The following SELENOF variants were observed in gnomAD, a reference collection of about 807,000 sequenced individuals.
The protein encoded by SELENOF is selenoprotein F.
In SELENOF, 16 loss-of-function variants were observed where a neutral mutation model predicts 20.5. The ratio of observed to expected loss-of-function variants is 0.78; its 90% CI spans 0.53 to 1.19. The LOEUF (loss-of-function observed/expected upper bound fraction) is 1.19. Ranked by LOEUF, SELENOF falls within the 50% of genes most tolerant of loss-of-function variation. SELENOF has a pLI of 0.00. For synonymous variants in SELENOF, 78 were observed against 74.5 expected (o/e 1.05, Z -0.24); for missense variants, 215 against 194.2 (o/e 1.11, Z -0.64).
Position 86,904,159 on chromosome 1 carries a change from G to T in SELENOF, c.85-711C>A, listed in dbSNP as rs560993851. Among the ~76,000 whole-genome samples, 17 of 152,108 alleles carry T rather than the reference G, an allele frequency of 1.1e-4. No individual in the cohort carries two copies. The South Asian group carries it at 3.5e-3, about 32-fold the overall frequency. On this transcript the variant is annotated intron_variant, in intron 1 of 4. Transcript: ENST00000331835. ...GTCTATGGAGTAAGATTAGCTGTAG[G>T]GTTTATCTACAGTCACATCCAGCAG... is the stretch of plus-strand genomic sequence containing the variant.
intron 2 of SELENOF, among the ~76,000 whole-genome samples, chr1:86,888,506 C>A (rs1282139419): frequency 1.3e-5 from 2 of 152,090 alleles, no homozygotes; most frequent in Non-Finnish European, 2.9e-5. Context: ...AACTCCTGGA[C>A]AAAGTGATCT....
intron 3 of SELENOF, among the ~76,000 whole-genome samples, chr1:86,877,406 G>C (rs1378661631): frequency 6.6e-6 from 1 of 152,168 alleles, no homozygotes; most frequent in Non-Finnish European, 1.5e-5. Context: ...TAGTTGGCAT[G>C]AGCAGCAGGT....
At chr1:86,897,556 C>T (rs75875632) in intron 2 of SELENOF, among the ~76,000 whole-genome samples, 1 of 152,002 alleles carries the variant, frequency 6.6e-6, no homozygotes, top group Non-Finnish European at 1.5e-5. Context: ...TATAAAATAT[C>T]TAGGGGACTG....
chr1:86,868,956 T>A (rs1243326470), intron 3 of SELENOF, among the ~76,000 whole-genome samples: 1 of 152,192 alleles, frequency 6.6e-6, no homozygotes, highest in Non-Finnish European at 1.5e-5. Flanking sequence ...AAACACTATG[T>A]ATAGCAATAT....
chr1:86,877,702 G>C (rs897592485), intron 3 of SELENOF, among the ~76,000 whole-genome samples: 1 of 152,098 alleles, frequency 6.6e-6, no homozygotes, highest in Non-Finnish European at 1.5e-5. Context: ...GAACGTTTAT[G>C]ATTCTAATAC....
intron 1 of SELENOF, among the ~76,000 whole-genome samples, chr1:86,904,150 T>C (rs1202444132): frequency 6.6e-6 from 1 of 152,180 alleles, no homozygotes; most frequent in East Asian, 1.9e-4. Context: ...GGAGTAAGAT[T>C]AGCTGTAGGG....
intron 2 of SELENOF, among the ~76,000 whole-genome samples, chr1:86,896,044 A>G (rs2102113030): frequency 6.6e-6 from 1 of 152,296 alleles, no homozygotes; most frequent in East Asian, 1.9e-4. Context: ...CCTGTCCAAC[A>G]TGGTGAAACC....
chr1:86,868,909 C>A (rs936458529), intron 3 of SELENOF, among the ~76,000 whole-genome samples: 1 of 151,992 alleles, frequency 6.6e-6, no homozygotes, highest in Non-Finnish European at 1.5e-5. Flanking sequence ...TCTCTAACAT[C>A]TAATATATAA....
At chr1:86,863,732 A>G (rs1658521432) in intron 4 of SELENOF, 127 bp from the exon 5 acceptor site, 4 of 754,812 alleles carry the variant, frequency 5.3e-6, no homozygotes, top group Admixed American at 3.5e-5. Context: ...ACATGACAAT[A>G]AACAAGTCTT....
At chr1:86,872,920 A>G (rs1437144979) in intron 3 of SELENOF, among the ~76,000 whole-genome samples, 1 of 152,064 alleles carries the variant, frequency 6.6e-6, no homozygotes, top group Non-Finnish European at 1.5e-5. Flanking sequence ...AGGCGCCTGT[A>G]GCGCGGCTAC....
At chr1:86,873,411 T>C (rs1237299824) in intron 3 of SELENOF, among the ~76,000 whole-genome samples, 1 of 152,252 alleles carries the variant, frequency 6.6e-6, no homozygotes, top group South Asian at 2.1e-4. Flanking sequence ...AATTTTACCA[T>C]CATTAGAGTC....
At chr1:86,910,532 C>T (rs1042004091) in intron 1 of SELENOF, among the ~76,000 whole-genome samples, 1 of 151,616 alleles carries the variant, frequency 6.6e-6, no homozygotes, top group Admixed American at 6.6e-5. Flanking sequence ...GGTGAAACCC[C>T]GTCTCTACTA....
Position 86,899,060 on chromosome 1 carries a change from G to A in SELENOF, c.252+4221C>T, listed in dbSNP as rs563335828. Among the ~76,000 whole-genome samples the A allele has an allele frequency of 3.6e-3, 549 of 151,966 alleles. 5 individuals carry two copies. Among genetic ancestry groups the A allele is most frequent in the African/African-American group, 0.012 (488 of 41,320 alleles). On this transcript the variant is annotated intron_variant, in intron 2 of 4. Transcript: ENST00000331835. ...CACCGCCCTTAATCCATTTAACCCT[G>A]AGTGGACACAGCACATGTTTCAGAG...
rs77238406 is a variant in SELENOF, at chr1:86,882,494, TA to T, written c.253-1770del. 4.9e-3 allele frequency among the ~76,000 whole-genome samples: 640 copies of T among 130,104 alleles called. 1 individual carries two copies. Among genetic ancestry groups the T allele is most frequent in the Non-Finnish European group, 5.5e-3 (330 of 60,034 alleles). The allele number at this position is 130,104 out of a possible 152,430, so 85.4% of individuals were successfully genotyped here. A position where few individuals can be genotyped will look rare whatever the true frequency, so the allele number is the denominator to read the frequency against. On this transcript the variant is annotated intron_variant, in intron 2 of 4. Transcript: ENST00000331835. ...TTCACATCACTGGGATAGCTATTAT[TA>T]AAAAAAAAAAAAAAAGAGATGAGGA... is the stretch of plus-strand genomic sequence containing the variant.
At chr1:86,876,051 G>A (rs1481061074) in intron 3 of SELENOF, among the ~76,000 whole-genome samples, 1 of 151,728 alleles carries the variant, frequency 6.6e-6, no homozygotes, top group Non-Finnish European at 1.5e-5. Context: ...TTTGTTTTAT[G>A]AGAAGGGTCT....
At chr1:86,893,644 T>C (rs574465783) in intron 2 of SELENOF, among the ~76,000 whole-genome samples, 14 of 151,680 alleles carry the variant, frequency 9.2e-5, no homozygotes, top group Admixed American at 5.3e-4. Context: ...AACAAACAAA[T>C]AAATAGAAAA....
intron 4 of SELENOF, among the ~76,000 whole-genome samples, chr1:86,864,189 T>C (rs1658536121): frequency 6.6e-6 from 1 of 152,216 alleles, no homozygotes; most frequent in South Asian, 2.1e-4. Context: ...ATCAATCACA[T>C]ACTGGATCAT....
intron 2 of SELENOF, among the ~76,000 whole-genome samples, chr1:86,893,342 C>A (rs531700210): frequency 6.6e-6 from 1 of 151,752 alleles, no homozygotes; most frequent in African/African-American, 2.4e-5. Context: ...TGGTGGCTCA[C>A]GCCTGTAATC....
intron 2 of SELENOF, among the ~76,000 whole-genome samples, chr1:86,887,889 G>GA (rs1015215612): frequency 5.3e-5 from 8 of 150,854 alleles, no homozygotes; most frequent in Non-Finnish European, 8.9e-5. Context: ...ATCACATGAT[G>GA]AAAAAAAAAG....
Sources: gnomAD v4.1 joint callset for allele counts (sites outside exome capture counted in the v4.1 genomes callset) on GRCh38, gnomAD v4.1.1 for gene constraint, MANE v1.5 for transcripts, NCBI Gene and HGNC (gene_info 2026-07-23, HGNC 2026-07-21) for gene names.